Variants in PRKN observed in about 807,000 individuals in gnomAD.
PRKN encodes the protein E3 ubiquitin-protein ligase parkin.
In PRKN, 56 loss-of-function variants were observed where a neutral mutation model predicts 59.5. That is an observed-to-expected ratio of 0.94 (90% CI 0.76 to 1.18). The LOEUF (loss-of-function observed/expected upper bound fraction) is 1.18. Among genes scored for constraint, PRKN ranks in the 50% most tolerant of loss-of-function variants. The probability of loss-of-function intolerance (pLI) is 0.00; values close to 1 mark genes in which losing one functional copy is unlikely to be tolerated. For missense variants in PRKN, 657 were observed against 596.4 expected, an observed-to-expected ratio of 1.10 and a Z score of -1.06; for synonymous variants, 250 against 222.1, an observed-to-expected ratio of 1.13 and a Z score of -1.12.
intron 2 of PRKN, among the ~76,000 whole-genome samples, chr6:162,440,158 C>T (rs1164549505): frequency 6.6e-6 from 1 of 152,046 alleles, no homozygotes; most frequent in Non-Finnish European, 1.5e-5. Flanking sequence ...TTCTTAAAGT[C>T]TTGCCAATAA....
chr6:161,835,060 C>G (rs1447733024), intron 6 of PRKN, among the ~76,000 whole-genome samples: 1 of 152,184 alleles, frequency 6.6e-6, no homozygotes, highest in African/African-American at 2.4e-5. Context: ...GTAAGTCCGT[C>G]TCTTACTGAT....
intron 7 of PRKN, among the ~76,000 whole-genome samples, chr6:161,719,673 A>C (rs1787136554): frequency 2.6e-5 from 4 of 152,232 alleles, no homozygotes; most frequent in Non-Finnish European, 4.4e-5. Flanking sequence ...TCATGATAAG[A>C]GAAGCTCATG....
At chr6:161,835,616 C>G (rs887534230) in intron 6 of PRKN, among the ~76,000 whole-genome samples, 3 of 152,170 alleles carry the variant, frequency 2.0e-5, no homozygotes, top group Non-Finnish European at 4.4e-5. Flanking sequence ...CGTTTCCACG[C>G]CGGGGATAGG....
At chr6:162,702,981 G>A (rs1778211250) in intron 1 of PRKN, among the ~76,000 whole-genome samples, 1 of 152,084 alleles carries the variant, frequency 6.6e-6, no homozygotes, top group Non-Finnish European at 1.5e-5. Flanking sequence ...AAAATTAAAT[G>A]AATCAATTTT....
At chr6:162,716,935 C>T (rs1334033283) in intron 1 of PRKN, among the ~76,000 whole-genome samples, 2 of 152,192 alleles carry the variant, frequency 1.3e-5, no homozygotes, top group Non-Finnish European at 2.9e-5. Flanking sequence ...AATGGTGAAG[C>T]ATTACTGGTA....
In PRKN at chr6:162,223,393, G is replaced by A. The variant is rs1778019192; in HGVS notation, c.413-22141C>T. Among the ~76,000 whole-genome samples, 4 of 152,120 alleles carry A rather than the reference G, an allele frequency of 2.6e-5. No individual in the cohort carries two copies. In the South Asian group the frequency reaches 8.3e-4, roughly 32 times the overall value. ...ATGTAATAAAAGCTCAGTAGAGGCA[G>A]TTAATCATAATAATAGTGCTGCTAA... On this transcript the variant is annotated intron_variant, in intron 3 of 11. Coordinates refer to ENST00000366898, the MANE Select transcript of PRKN (RefSeq NM_004562.3).
chr6:161,733,968 A>G, intron 7 of PRKN, among the ~76,000 whole-genome samples: 1 of 26,074 alleles, frequency 3.8e-5, no homozygotes, highest in East Asian at 5.8e-4. Flanking sequence ...TTACACACAC[A>G]CACACACACA....
chr6:162,654,525 ATTAAT>A (rs1233160328), intron 1 of PRKN, among the ~76,000 whole-genome samples: 3 of 152,250 alleles, frequency 2.0e-5, no homozygotes, highest in Middle Eastern at 3.4e-3. Flanking sequence ...TCAGAATATG[ATTAAT>A]TTATCTTTCT....
At chr6:162,598,257 C>T (rs1352905338) in intron 1 of PRKN, among the ~76,000 whole-genome samples, 2 of 152,116 alleles carry the variant, frequency 1.3e-5, no homozygotes, top group African/African-American at 4.8e-5. Flanking sequence ...AAAATAGGCT[C>T]CTATGCAATC....
chr6:162,563,511 T>C (rs977494038), intron 1 of PRKN, among the ~76,000 whole-genome samples: 3 of 152,160 alleles, frequency 2.0e-5, no homozygotes, highest in Admixed American at 2.0e-4. Context: ...ACCCAAGTCC[T>C]GTTAAATATC....
chr6:162,362,525 A>G (rs1276795713), intron 2 of PRKN, among the ~76,000 whole-genome samples: 1 of 152,188 alleles, frequency 6.6e-6, no homozygotes, highest in Non-Finnish European at 1.5e-5. Flanking sequence ...TTAAAATTGA[A>G]TAATATTAAA....
At chr6:162,480,361 A>G (rs567155395) in intron 1 of PRKN, among the ~76,000 whole-genome samples, 1 of 152,312 alleles carries the variant, frequency 6.6e-6, no homozygotes, top group Admixed American at 6.5e-5. Context: ...CATGGGGCAC[A>G]TGGCTGTATA....
chr6:162,720,063 TA>T (rs1350113890), intron 1 of PRKN, among the ~76,000 whole-genome samples: 2 of 152,162 alleles, frequency 1.3e-5, no homozygotes, highest in Non-Finnish European at 2.9e-5. Flanking sequence ...CAATAAGCTT[TA>T]AAAATGACTA....
In PRKN at chr6:161,429,328, G is replaced by T. The variant is rs1424927337; in HGVS notation, c.1084-42451C>A. On this transcript the variant is annotated intron_variant, in intron 9 of 11. Coordinates refer to ENST00000366898, the MANE Select transcript of PRKN (RefSeq NM_004562.3). The surrounding 1 kb of genome is among the most constrained non-coding windows in gnomAD (Gnocchi z 4.2). ...GATTGAGAAAGTTCCTGCCCTCAGGGAGCTTATAGTCAGTCATGGGCAAGT... is the reference window on the plus strand; with the variant it reads ...GATTGAGAAAGTTCCTGCCCTCAGGTAGCTTATAGTCAGTCATGGGCAAGT... 2.0e-5 allele frequency among the ~76,000 whole-genome samples: 3 copies of T among 152,150 alleles called. No homozygotes were observed. Among genetic ancestry groups the T allele is most frequent in the African/African-American group, 2.4e-5 (1 of 41,426 alleles).
In PRKN at chr6:161,888,879, A is replaced by T. The variant is rs151012779; in HGVS notation, c.734+84423T>A. ...CATGCTTCCTCAATCCCATTGCTGG[A>T]TTTCTTTTTTAGAGTACTTACTGAC... On this transcript the variant is annotated intron_variant, in intron 6 of 11. Transcript: ENST00000366898. Among the ~76,000 whole-genome samples, 496 of 152,226 alleles carry T rather than the reference A, an allele frequency of 3.3e-3. 2 individuals carry two copies. The highest frequency in any genetic ancestry group is 4.6e-3 in the Non-Finnish European group (314 of 68,020).
chr6:162,267,918 T>C (rs978147803), intron 2 of PRKN, among the ~76,000 whole-genome samples: 2 of 152,170 alleles, frequency 1.3e-5, no homozygotes, highest in Non-Finnish European at 2.9e-5. Context: ...CAACGGCACA[T>C]AGTTAAGATC....
intron 7 of PRKN, among the ~76,000 whole-genome samples, chr6:161,600,999 A>T (rs754690498): frequency 6.6e-6 from 1 of 152,220 alleles, no homozygotes; most frequent in Non-Finnish European, 1.5e-5. Flanking sequence ...ATAATTCATC[A>T]GTGTATTTAT....
intron 6 of PRKN, among the ~76,000 whole-genome samples, chr6:161,912,156 C>T (rs772715456): frequency 8.4e-5 from 12 of 143,648 alleles, no homozygotes; most frequent in African/African-American, 2.4e-4. Context: ...CCAGCCTGGA[C>T]GACAGAGGAG....
chr6:162,726,322 G>C (rs1342849826), intron 1 of PRKN, among the ~76,000 whole-genome samples: 1 of 152,198 alleles, frequency 6.6e-6, no homozygotes, highest in African/African-American at 2.4e-5. Context: ...TGACAGCACA[G>C]ATATTGGAAA....
Sources: allele counts gnomAD v4.1 joint callset (sites outside exome capture counted in the v4.1 genomes callset), GRCh38; gene constraint gnomAD v4.1.1; non-coding constraint Gnocchi (gnomAD v3.1); transcripts MANE v1.5; gene names NCBI Gene and HGNC (gene_info 2026-07-23, HGNC 2026-07-21).